COL4A2: variants seen among roughly 807,000 people sequenced by gnomAD.
The protein encoded by COL4A2 is collagen type IV alpha 2 chain.
COL4A2 carries 99 observed loss-of-function variants against 200.2 expected under a neutral mutation model. The observed-to-expected ratio is 0.49, with a 90% CI of 0.42 to 0.58. COL4A2 has a LOEUF of 0.58. Ranked by LOEUF, COL4A2 falls within the 20% of genes least tolerant of loss-of-function variation. COL4A2 has a pLI of 0.00. For synonymous variants in COL4A2, 897 were observed against 900.6 expected, an observed-to-expected ratio of 1.00 and a Z score of 0.07; for missense variants, 1,950 against 2,314.1, an observed-to-expected ratio of 0.84 and a Z score of 3.23.
At chr13:110,316,999 T>C (rs1202341819) in intron 3 of COL4A2, among the ~76,000 whole-genome samples, 1 of 152,006 alleles carries the variant, frequency 6.6e-6, no homozygotes, top group East Asian at 1.9e-4. Flanking sequence ...ATATGCACCC[T>C]GTACTCACAC....
chr13:110,462,498 G>A, intron 24 of COL4A2, 114 bp downstream of exon 24: 1 of 932,908 alleles, frequency 1.1e-6, no homozygotes, highest in Non-Finnish European at 1.6e-6. Flanking sequence ...CTGTGCATAG[G>A]ACAGGCTGCT....
rs1170355301 is a variant in COL4A2, at chr13:110,503,627, C to G, written c.4138+146C>G. 40 of 716,116 alleles carry G rather than the reference C, an allele frequency of 5.6e-5. No homozygotes were observed. In the South Asian group the frequency reaches 7.4e-4, roughly 13 times the overall value. 44.4% of individuals were successfully genotyped at this position (716,116 alleles called of 1,614,324 possible). A position where few individuals can be genotyped will look rare whatever the true frequency, so the allele number is the denominator to read the frequency against. ...CAGGGAGGAAACCAAGGCTGTGCCT[C>G]GGATGTTGTCACAGGACCTTGGGGA... On this transcript the variant is annotated intron_variant, in intron 43 of 47. Coordinates refer to ENST00000360467, the MANE Select transcript of COL4A2 (RefSeq NM_001846.4).
intron 4 of COL4A2, among the ~76,000 whole-genome samples, chr13:110,381,316 C>T (rs561257485): frequency 1.3e-5 from 2 of 152,304 alleles, no homozygotes; most frequent in East Asian, 3.9e-4. Context: ...CCGGCTCTAT[C>T]TCACACCCAC....
chr13:110,467,560 C>T (rs1304621453), intron 27 of COL4A2, among the ~76,000 whole-genome samples: 1 of 152,262 alleles, frequency 6.6e-6, no homozygotes, highest in Non-Finnish European at 1.5e-5. Context: ...ACCTGGGCTT[C>T]TATCTGCTGG....
intron 25 of COL4A2, among the ~76,000 whole-genome samples, 168 bp downstream of exon 25, chr13:110,465,774 G>A (rs1299835994): frequency 6.6e-6 from 1 of 152,172 alleles, no homozygotes; most frequent in East Asian, 1.9e-4. Context: ...GCCCCCACCA[G>A]CCTCCCCTCA....
At chr13:110,310,789 G>A (rs1235478749) in intron 3 of COL4A2, among the ~76,000 whole-genome samples, 3 of 152,098 alleles carry the variant, frequency 2.0e-5, no homozygotes, top group Non-Finnish European at 2.9e-5. Flanking sequence ...TTACTTATTG[G>A]GCACTTCCTG....
chr13:110,463,823 A>G (rs577561264), intron 24 of COL4A2, among the ~76,000 whole-genome samples: 116 of 152,332 alleles, frequency 7.6e-4, no homozygotes, highest in African/African-American at 2.7e-3. Context: ...GACATCAGCC[A>G]CCACACCCGG....
Position 110,393,455 on chromosome 13 carries a change from T to C in COL4A2, c.181-31279T>C, listed in dbSNP as rs143781696. Among the ~76,000 whole-genome samples, 287 of 152,330 alleles carry C rather than the reference T, an allele frequency of 1.9e-3. 2 individuals carry two copies. Among genetic ancestry groups the C allele is most frequent in the Non-Finnish European group, 2.8e-3 (189 of 68,036 alleles). On this transcript the variant is annotated intron_variant, in intron 4 of 47. Transcript: ENST00000360467. ...AAGGCTATATAAAATGAAATATTTC[T>C]GTTGAAATGTATTTCAATTCTTTGT...
intron 3 of COL4A2, among the ~76,000 whole-genome samples, chr13:110,350,849 A>G (rs1594162848): frequency 6.6e-6 from 1 of 151,990 alleles, no homozygotes; most frequent in South Asian, 2.1e-4. Flanking sequence ...CAGCTGGGAG[A>G]GCAGCTGCCC....
At chr13:110,341,412 AT>A (rs1464805347) in intron 3 of COL4A2, among the ~76,000 whole-genome samples, 3 of 152,286 alleles carry the variant, frequency 2.0e-5, no homozygotes, top group East Asian at 1.9e-4. Context: ...TTTGTGGCTG[AT>A]TAGGTGTTGT....
chr13:110,457,493 CT>C, intron 21 of COL4A2, 58 bp downstream of exon 21: 2 of 1,013,932 alleles, frequency 2.0e-6, no homozygotes, highest in South Asian at 1.3e-5. Context: ...AGTCCCTCAC[CT>C]TACAGAAGGT....
rs553804760 is a variant in COL4A2, at chr13:110,456,157, C to T, written c.1340-1186C>T. 2.7e-4 allele frequency among the ~76,000 whole-genome samples: 41 copies of T among 152,352 alleles called. 1 individual carries two copies. Among genetic ancestry groups the T allele is most frequent in the African/African-American group, 5.8e-4 (24 of 41,584 alleles). On this transcript the variant is annotated intron_variant, in intron 20 of 47. Coordinates refer to ENST00000360467, the MANE Select transcript of COL4A2 (RefSeq NM_001846.4). ...CCGTCATCATCAGGGATGCCCCCGC[C>T]GGGATCATTGAGCCCTGCAGGAGCT... is the stretch of plus-strand genomic sequence containing the variant.
Position 110,377,954 on chromosome 13 carries a change from AAGTG to A in COL4A2, c.180+20407_180+20410del, listed in dbSNP as rs1878307899. 6.6e-5 allele frequency among the ~76,000 whole-genome samples: 10 copies of A among 152,382 alleles called. No individual in the cohort carries two copies. In the South Asian group the frequency reaches 2.1e-3, roughly 32 times the overall value. On this transcript the variant is annotated intron_variant, in intron 4 of 47. Transcript: ENST00000360467. ...TTAGCAATCAAAACCCAGTTTGGAA[AAGTG>A]AGTGGTTTGCTCTGAAAAACAACAA...
At chr13:110,465,822 T>C (rs139615538) in intron 25 of COL4A2, among the ~76,000 whole-genome samples, 181 bp from the exon 26 acceptor site, 2 of 152,288 alleles carry the variant, frequency 1.3e-5, no homozygotes, top group East Asian at 3.9e-4. Context: ...AGGACTACAG[T>C]GACAGAGGCC....
intron 3 of COL4A2, among the ~76,000 whole-genome samples, chr13:110,327,088 C>G (rs920800338): frequency 6.6e-6 from 1 of 152,210 alleles, no homozygotes; most frequent in African/African-American, 2.4e-5. Context: ...CCTGTGGTTG[C>G]TAACCTGGGC....
intron 28 of COL4A2, among the ~76,000 whole-genome samples, chr13:110,471,945 A>G (rs935752339): frequency 6.6e-6 from 1 of 151,992 alleles, no homozygotes; most frequent in Non-Finnish European, 1.5e-5. Context: ...CCTTCTGAGC[A>G]CTGCGTGACT....
At position 110,504,302 on chromosome 13, in the gene COL4A2, T is replaced by A. The variant is rs375444334; in HGVS notation, c.4402+38T>A. On this transcript the variant is annotated intron_variant, in intron 45 of 47. Transcript: ENST00000360467. Reference sequence around the variant, plus strand: ...GGGGAAGGACCTTCCCAGGTCCTAGTGCTCTGGATCTGACTCACAGACTGT... The same window carrying A: ...GGGGAAGGACCTTCCCAGGTCCTAGAGCTCTGGATCTGACTCACAGACTGT... The A allele has an allele frequency of 5.9e-6, 9 of 1,516,442 alleles. No homozygotes were observed. In the Admixed American group the frequency reaches 1.5e-4, roughly 25 times the overall value. 93.9% of individuals were successfully genotyped at this position (1,516,442 alleles called of 1,614,324 possible).
In COL4A2 at chr13:110,342,842, A is replaced by G. The variant is rs540096297; in HGVS notation, c.100-14630A>G. On this transcript the variant is annotated intron_variant, in intron 3 of 47. Transcript: ENST00000360467. The stretch of plus-strand genomic sequence containing the variant: ...AAGCTTAGGGCAGGGCAAAGGCACA[A>G]GACAGCATCATAGCACTCTGGAGCC... Among the ~76,000 whole-genome samples the G allele has an allele frequency of 3.3e-5, 5 of 152,326 alleles. No individual in the cohort carries two copies. The South Asian group carries it at 1.0e-3, about 32-fold the overall frequency.
chr13:110,363,198 C>T (rs533898437), intron 4 of COL4A2, among the ~76,000 whole-genome samples: 56 of 152,332 alleles, frequency 3.7e-4, no homozygotes, highest in South Asian at 6.2e-4. Context: ...TGCATCCAGG[C>T]GGTACCCACA....
Sources: gnomAD v4.1 joint callset for allele counts (sites outside exome capture counted in the v4.1 genomes callset) on GRCh38, gnomAD v4.1.1 for gene constraint, MANE v1.5 for transcripts, NCBI Gene and HGNC (gene_info 2026-07-23, HGNC 2026-07-21) for gene names.